NHLRC2: variants seen among roughly 807,000 people sequenced by gnomAD.
NHLRC2 encodes NHL repeat-containing protein 2.
NHLRC2 carries 33 observed loss-of-function variants against 68.1 expected under a neutral mutation model. That is an observed-to-expected ratio of 0.48 (90% CI 0.37 to 0.65). NHLRC2 has a LOEUF of 0.65. Among genes scored for constraint, NHLRC2 ranks in the 30% least tolerant of loss-of-function variants. NHLRC2 has a pLI of 0.00. For missense variants in NHLRC2, 761 were observed against 853.8 expected (o/e 0.89, Z 1.35); for synonymous variants, 311 against 309.6 (o/e 1.00, Z -0.05).
rs188540351 is a variant in NHLRC2 at position 113,899,271 on chromosome 10, C to T, written c.1139+1062C>T. 9.2e-5 allele frequency among the ~76,000 whole-genome samples: 14 copies of T among 152,242 alleles called. No homozygotes were observed. The East Asian group carries it at 2.3e-3, about 25-fold the overall frequency. ...TTGGTACCTAAGAGGAGCTCAGTAA[C>T]GGTTTGAGGATAAATGAATAAAAGC... On this transcript the variant is annotated intron_variant, in intron 6 of 10. Transcript: ENST00000369301.
intron 3 of NHLRC2, among the ~76,000 whole-genome samples, chr10:113,877,599 C>T (rs1236309393): frequency 2.0e-5 from 3 of 152,130 alleles, no homozygotes; most frequent in African/African-American, 7.2e-5. Flanking sequence ...CTCTTGGTTA[C>T]ATCTACATAA....
chr10:113,898,504 CTG>C (rs372043420), intron 6 of NHLRC2, among the ~76,000 whole-genome samples: 30 of 152,314 alleles, frequency 2.0e-4, no homozygotes, highest in Non-Finnish European at 2.5e-4. Flanking sequence ...CACTCACTGA[CTG>C]TTAAAATTTC....
intron 2 of NHLRC2, among the ~76,000 whole-genome samples, chr10:113,873,237 C>T (rs1010240716): frequency 1.3e-5 from 2 of 152,118 alleles, no homozygotes; most frequent in East Asian, 1.9e-4. Flanking sequence ...TCCCAAAACT[C>T]AGAGAATACT....
chr10:113,875,293 A>G (rs754408172), intron 2 of NHLRC2, among the ~76,000 whole-genome samples: 7 of 152,110 alleles, frequency 4.6e-5, no homozygotes, highest in Non-Finnish European at 8.8e-5. Flanking sequence ...TTATTCAGTT[A>G]TCAGCTCCCC....
Position 113,898,111 on chromosome 10 carries a change from T to A in NHLRC2, c.1041T>A (p.Gly347=). 6.3e-7 allele frequency: 1 copy of A among 1,596,754 alleles called. No homozygotes were observed. Among genetic ancestry groups the A allele is most frequent in the Non-Finnish European group, 8.6e-7 (1 of 1,164,850 alleles). ...TAATAATGATTTATTTTTATAAAGG[T>A]TCAGAGGTCCAAAGAGGTGACATTT... ...SPWDVVFGTS[G]SEVQRGDILW... is the part of the protein sequence containing the mutation. The change falls in exon 6 of 11, where the codon GGT becomes GGA. Residue 347 remains glycine, a splice_region_variant and synonymous_variant. Coordinates refer to ENST00000369301, the MANE Select transcript of NHLRC2 (RefSeq NM_198514.4).
chr10:113,887,666 G>A (rs750932484), intron 5 of NHLRC2, among the ~76,000 whole-genome samples: 1 of 152,146 alleles, frequency 6.6e-6, no homozygotes, highest in Non-Finnish European at 1.5e-5. Flanking sequence ...TAGCTACTTG[G>A]GAGGCTGAGG....
chr10:113,913,849 T>TG lies in NHLRC2; in HGVS notation c.*5313_*5314insG, dbSNP rs1272189738. 7.0e-6 allele frequency: 1 copy of TG among 143,106 alleles called. No homozygotes were observed. The highest frequency in any genetic ancestry group is 2.5e-5 in the African/African-American group (1 of 39,420). The allele number at this position is 143,106 out of a possible 1,614,324, so 8.9% of individuals were successfully genotyped here. On this transcript the variant is annotated 3_prime_UTR_variant, in exon 11 of 11. Transcript: ENST00000369301. ...GTACTTTTTGTTGTTGTTGTTTTGT[T>TG]TTTTTTTTTTTTTTTTGAGATGGAG...
At chr10:113,893,753 C>T (rs1343217219) in intron 5 of NHLRC2, among the ~76,000 whole-genome samples, 1 of 152,148 alleles carries the variant, frequency 6.6e-6, no homozygotes, top group African/African-American at 2.4e-5. Flanking sequence ...GCTAGACCGA[C>T]CTGTTTGGAG....
In NHLRC2 at chr10:113,908,431, C is replaced by T; in HGVS notation, c.2076C>T (p.Asp692=). 1 of 1,613,934 alleles carries T rather than the reference C, an allele frequency of 6.2e-7. No individual in the cohort carries two copies. Among genetic ancestry groups the T allele is most frequent in the Non-Finnish European group, 8.5e-7 (1 of 1,179,838 alleles). Residue 692 remains aspartate (D), a synonymous_variant, in exon 11 of 11, where the codon GAC becomes GAT. Coordinates refer to ENST00000369301, the MANE Select transcript of NHLRC2 (RefSeq NM_198514.4). ...TGTTTCTTTATTACTGTAGTGCAGACAGCAGTGCTTGTATGATGAAGGCAA... is the reference window on the plus strand; with the variant it reads ...TGTTTCTTTATTACTGTAGTGCAGATAGCAGTGCTTGTATGATGAAGGCAA... The part of the protein sequence containing the change: ...VSVFLYYCSA[D]SSACMMKAIL...
intron 5 of NHLRC2, among the ~76,000 whole-genome samples, chr10:113,896,095 G>A (rs1846174801): frequency 6.6e-6 from 1 of 152,054 alleles, no homozygotes; most frequent in Non-Finnish European, 1.5e-5. Flanking sequence ...AACCATTGTG[G>A]AAGTCAGTGT....
chr10:113,862,158 C>T (rs927043886), intron 2 of NHLRC2, among the ~76,000 whole-genome samples: 1 of 152,042 alleles, frequency 6.6e-6, no homozygotes, highest in Non-Finnish European at 1.5e-5. Flanking sequence ...GGATTAACGC[C>T]ATGAGCCACC....
intron 7 of NHLRC2, 83 bp from the exon 8 acceptor site, chr10:113,902,386 CTG>C (rs1395965235): frequency 2.7e-5 from 23 of 862,040 alleles, no homozygotes; most frequent in Non-Finnish European, 4.0e-5. Flanking sequence ...CCATTTGTAA[CTG>C]TTTGAATTTT....
rs1039377643 is a variant in NHLRC2, at chr10:113,901,858, A to G, written c.1332A>G (p.Gly444=). ...TGAGAACCGTTTCACTGAAAGATGG[A>G]GCAGTGAAGCACCTCGTAGGAGGAG... is the stretch of plus-strand genomic sequence containing the variant. ...STVRTVSLKD[G]AVKHLVGGER... is the part of the protein sequence containing the mutation. The change falls in exon 7 of 11, where the codon GGA becomes GGG. Residue 444 remains glycine (G), a synonymous_variant. Transcript: ENST00000369301. 1 of 1,613,828 alleles carries G rather than the reference A, an allele frequency of 6.2e-7. No individual in the cohort carries two copies.
chr10:113,869,920 C>T (rs956863713), intron 2 of NHLRC2, among the ~76,000 whole-genome samples: 31 of 152,056 alleles, frequency 2.0e-4, no homozygotes, highest in Admixed American at 2.0e-3. Flanking sequence ...TTTTTTGAGC[C>T]CTTCCTTACT....
chr10:113,904,998 C>T lies in NHLRC2; in HGVS notation c.1886C>T (p.Thr629Ile). The T allele has an allele frequency of 6.5e-7, 1 of 1,541,992 alleles. No individual in the cohort carries two copies. The highest frequency in any genetic ancestry group is 1.4e-5 in the African/African-American group (1 of 72,044). Reference sequence around the variant, plus strand: ...GACCTCCCATCAGGATCAAAGCTAACTGAAGGAGTATCCAGTTGCTGGTTT... The same window carrying T: ...GACCTCCCATCAGGATCAAAGCTAATTGAAGGAGTATCCAGTTGCTGGTTT... ...RLDLPSGSKL[T>I]EGVSSCWFLT... is the part of the protein sequence containing the mutation. The change falls in exon 10 of 11, where the codon ACT becomes ATT. Residue 629 changes from threonine (T) to isoleucine (I), a missense_variant. Thr to Ile is a moderately conservative substitution (Grantham distance 89, BLOSUM62 -1). Coordinates refer to ENST00000369301, the MANE Select transcript of NHLRC2 (RefSeq NM_198514.4).
chr10:113,871,607 T>G (rs1845926195), intron 2 of NHLRC2, among the ~76,000 whole-genome samples: 1 of 152,230 alleles, frequency 6.6e-6, no homozygotes, highest in South Asian at 2.1e-4. Flanking sequence ...TTTATACCAG[T>G]TTCTGGTTTT....
At chr10:113,864,479 C>T (rs566033178) in intron 2 of NHLRC2, among the ~76,000 whole-genome samples, 1 of 152,178 alleles carries the variant, frequency 6.6e-6, no homozygotes, top group Non-Finnish European at 1.5e-5. Context: ...GCAGGCGGAT[C>T]ATGAGGTCAA....
chr10:113,916,464 A>G lies in NHLRC2; in HGVS notation c.*7928A>G, dbSNP rs1424885399. On this transcript the variant is annotated 3_prime_UTR_variant, in exon 11 of 11. Transcript: ENST00000369301. ...GCTCAGTTTTTAAAGGAGGGGAACAATACCCCATGAGTTCAAATTAATTTT... is the reference window on the plus strand; with the variant it reads ...GCTCAGTTTTTAAAGGAGGGGAACAGTACCCCATGAGTTCAAATTAATTTT... 1 of 152,206 alleles carries G rather than the reference A, an allele frequency of 6.6e-6. No homozygotes were observed. The highest frequency in any genetic ancestry group is 2.4e-5 in the African/African-American group (1 of 41,456). 9.4% of individuals were successfully genotyped at this position (152,206 alleles called of 1,614,324 possible).
Position 113,909,080 on chromosome 10 carries a change from G to A in NHLRC2, c.*544G>A, listed in dbSNP as rs1446823493. ...TAAGGAGTACATCAGTGGTAAATAC[G>A]ATCTTTATTCTCTTCTGTGGTTTTC... is the stretch of plus-strand genomic sequence containing the variant. On this transcript the variant is annotated 3_prime_UTR_variant, in exon 11 of 11. Coordinates refer to ENST00000369301, the MANE Select transcript of NHLRC2 (RefSeq NM_198514.4). 1 of 152,298 alleles carries A rather than the reference G, an allele frequency of 6.6e-6. No individual in the cohort carries two copies. Among genetic ancestry groups the A allele is most frequent in the African/African-American group, 2.4e-5 (1 of 41,420 alleles). The allele number at this position is 152,298 out of a possible 1,614,324, so 9.4% of individuals were successfully genotyped here. A position where few individuals can be genotyped will look rare whatever the true frequency, so the allele number is the denominator to read the frequency against.
Sources: gnomAD v4.1 joint callset for allele counts (sites outside exome capture counted in the v4.1 genomes callset) on GRCh38, gnomAD v4.1.1 for gene constraint, MANE v1.5 for transcripts, NCBI Gene and HGNC (gene_info 2026-07-23, HGNC 2026-07-21) for gene names.